PIEZO2: variants seen among roughly 807,000 people sequenced by gnomAD.
PIEZO2 encodes piezo-type mechanosensitive ion channel component 2.
A neutral mutation model predicts 337.3 loss-of-function variants in PIEZO2; 172 were observed. The observed-to-expected ratio is 0.51, with a 90% CI of 0.45 to 0.58. The LOEUF (loss-of-function observed/expected upper bound fraction) is 0.58, where lower values mean the gene tolerates loss of function less well. Ranked by LOEUF, PIEZO2 falls within the 20% of genes least tolerant of loss-of-function variation. PIEZO2 has a pLI of 0.00. For missense variants in PIEZO2, 3,028 were observed against 3,391.3 expected (o/e 0.89, Z 2.66); for synonymous variants, 1,251 against 1,228.5 (o/e 1.02, Z -0.38).
At position 11,129,944 on chromosome 18, in the gene PIEZO2, A is replaced by G. The variant is rs2146232160; in HGVS notation, c.64+18581T>C. On this transcript the variant is annotated intron_variant, in intron 1 of 55. Transcript: ENST00000674853. The surrounding 1 kb of genome is among the most constrained non-coding windows in gnomAD (Gnocchi z 4.6). ...GGTCATTTCCCCAATGCCAGAATGC[A>G]TAATTGACATAGACATACTCAGCAG... Among the ~76,000 whole-genome samples the G allele has an allele frequency of 6.6e-6, 1 of 152,330 alleles. No individual in the cohort carries two copies. The highest frequency in any genetic ancestry group is 1.9e-4 in the East Asian group (1 of 5,180).
chr18:11,058,371 T>C (rs1328274398), intron 2 of PIEZO2, among the ~76,000 whole-genome samples: 1 of 152,084 alleles, frequency 6.6e-6, no homozygotes, highest in Non-Finnish European at 1.5e-5. Context: ...AGAGCACCTC[T>C]CCTCCTCCAA....
chr18:10,947,459 A>C lies in PIEZO2; in HGVS notation c.286+32076T>G, dbSNP rs139798800. Among the ~76,000 whole-genome samples the C allele has an allele frequency of 5.2e-3, 790 of 152,310 alleles. 4 individuals carry two copies. Among genetic ancestry groups the C allele is most frequent in the Non-Finnish European group, 8.2e-3 (561 of 68,018 alleles). ...AAGGGGAAATAAAGAGATTGCAAGT[A>C]AAAAGATGGGCAAAGATGTGCCATG... is the stretch of plus-strand genomic sequence containing the variant. On this transcript the variant is annotated intron_variant, in intron 3 of 55. Transcript: ENST00000674853.
Position 10,800,366 on chromosome 18 carries a change from T to C in PIEZO2, c.1349A>G (p.Tyr450Cys). ...GGATTCATCAGAGGGCTCCCACCGG[T>C]ACTGAGGGGTGGAGTAGAGGTCGGC... Reference protein sequence around the residue: ...GKADLYSTPQYRWEPSDESSE... With the variant: ...GKADLYSTPQCRWEPSDESSE... Residue 450 changes from tyrosine to cysteine, a missense_variant, in exon 11 of 56, where the codon TAC (tyrosine) becomes TGC (cysteine). By Grantham distance (194) the Tyr-to-Cys change is radical (BLOSUM62 -2). Transcript: ENST00000674853. The C allele has an allele frequency of 6.5e-7, 1 of 1,536,400 alleles. No individual in the cohort carries two copies. Among genetic ancestry groups the C allele is most frequent in the South Asian group, 1.2e-5 (1 of 83,836 alleles).
rs1288650096 is a variant in PIEZO2 at position 11,133,778 on chromosome 18, T to TA, written c.64+14746dup. On this transcript the variant is annotated intron_variant, in intron 1 of 55. Transcript: ENST00000674853. ...ACTTGTGATCGCGTAAGTTAATACTTAATAAACTCCTCTCTCTATATATAT... is the reference window on the plus strand; with the variant it reads ...ACTTGTGATCGCGTAAGTTAATACTTAAATAAACTCCTCTCTCTATATATAT... Among the ~76,000 whole-genome samples, 6 of 148,312 alleles carry TA rather than the reference T, an allele frequency of 4.0e-5. No individual in the cohort carries two copies. The South Asian group carries it at 6.5e-4, about 16-fold the overall frequency.
chr18:10,813,073 C>T lies in PIEZO2; in HGVS notation c.918-5799G>A, dbSNP rs558783454. Among the ~76,000 whole-genome samples, 541 of 152,038 alleles carry T rather than the reference C, an allele frequency of 3.6e-3. No homozygotes were observed. Among genetic ancestry groups the T allele is most frequent in the Non-Finnish European group, 4.4e-3 (299 of 67,986 alleles). ...CTGCTCACTGCAACCTCTGCCTCCC[C>T]GGCTCAAGTGATTCTCCTGCCTCAG... On this transcript the variant is annotated intron_variant, in intron 7 of 55. Transcript: ENST00000674853. This position sits in a 1 kb window ranked among gnomAD's most constrained non-coding sequence, Gnocchi z 4.2.
At position 10,979,859 on chromosome 18, in the gene PIEZO2, A is replaced by G. The variant is rs2034597710; in HGVS notation, c.161-199T>C. Reference sequence around the variant, plus strand: ...TGTAACATCAAATATTTGGGTTTATATTTATTAAAAATTCACTGTAAAAGA... The same window carrying G: ...TGTAACATCAAATATTTGGGTTTATGTTTATTAAAAATTCACTGTAAAAGA... On this transcript the variant is annotated intron_variant, in intron 2 of 55. Transcript: ENST00000674853. This position sits in a 1 kb window ranked among gnomAD's most constrained non-coding sequence, Gnocchi z 4.0. 6.6e-6 allele frequency among the ~76,000 whole-genome samples: 1 copy of G among 152,226 alleles called. No homozygotes were observed. Among genetic ancestry groups the G allele is most frequent in the South Asian group, 2.1e-4 (1 of 4,832 alleles).
In PIEZO2 at chr18:10,760,929, A is replaced by AAAG. The variant is rs761185037; in HGVS notation, c.3429_3431dup (p.Phe1144dup). The AAAG allele has an allele frequency of 1.8e-5, 27 of 1,531,874 alleles. No individual in the cohort carries two copies. The highest frequency in any genetic ancestry group is 2.3e-5 in the Non-Finnish European group (26 of 1,142,824). 94.9% of individuals were successfully genotyped at this position (1,531,874 alleles called of 1,614,324 possible). On this transcript the variant is annotated inframe_insertion, in exon 24 of 56. Transcript: ENST00000674853. ...AACTCACCTCCAGACCAAACTTGTA[A>AAAG]AAGAAGTAATTAATGAAATATTTGG...
intron 35 of PIEZO2, among the ~76,000 whole-genome samples, chr18:10,734,543 G>A (rs370263917): frequency 1.3e-5 from 2 of 152,348 alleles, no homozygotes; most frequent in East Asian, 1.9e-4. Context: ...CTGAGTTCAG[G>A]AGAAAGGGCT....
intron 1 of PIEZO2, among the ~76,000 whole-genome samples, chr18:11,130,341 T>C (rs2040305103): frequency 6.6e-6 from 1 of 152,256 alleles, no homozygotes; most frequent in South Asian, 2.1e-4. Flanking sequence ...TATGCAGCCA[T>C]TGACTTGGCA....
At position 11,080,132 on chromosome 18, in the gene PIEZO2, A is replaced by C. The variant is rs1327691734; in HGVS notation, c.65-13910T>G. Among the ~76,000 whole-genome samples the C allele has an allele frequency of 6.6e-6, 1 of 152,298 alleles. No homozygotes were observed. The highest frequency in any genetic ancestry group is 6.5e-5 in the Admixed American group (1 of 15,294). ...ACCACTCCACACTGCTACCTCTCTCATCTACACAGAAAACACCTATAAAAA... is the reference window on the plus strand; with the variant it reads ...ACCACTCCACACTGCTACCTCTCTCCTCTACACAGAAAACACCTATAAAAA... On this transcript the variant is annotated intron_variant, in intron 1 of 55. Coordinates refer to ENST00000674853, the MANE Select transcript of PIEZO2 (RefSeq NM_001378183.1). The surrounding 1 kb of genome is among the most constrained non-coding windows in gnomAD (Gnocchi z 5.4).
At position 11,047,139 on chromosome 18, in the gene PIEZO2, C is replaced by T. The variant is rs2037345131; in HGVS notation, c.160+18988G>A. 6.6e-6 allele frequency among the ~76,000 whole-genome samples: 1 copy of T among 152,204 alleles called. No homozygotes were observed. Among genetic ancestry groups the T allele is most frequent in the Non-Finnish European group, 1.5e-5 (1 of 68,032 alleles). On this transcript the variant is annotated intron_variant, in intron 2 of 55. Coordinates refer to ENST00000674853, the MANE Select transcript of PIEZO2 (RefSeq NM_001378183.1). The surrounding 1 kb of genome is among the most constrained non-coding windows in gnomAD (Gnocchi z 7.2). ...CCTGTCCAGGTACACTCAGGAGCCC[C>T]GTTTTCTGCACGTGCCTCCCTGGGG...
At chr18:10,931,111 G>C (rs1435972375) in intron 3 of PIEZO2, among the ~76,000 whole-genome samples, 2 of 144,882 alleles carry the variant, frequency 1.4e-5, no homozygotes, top group African/African-American at 2.6e-5. Flanking sequence ...GATCTCAACT[G>C]AATAATTCTT....
rs559702143 is a variant in PIEZO2, at chr18:10,853,981, C to T, written c.917+1372G>A. Among the ~76,000 whole-genome samples, 23 of 152,266 alleles carry T rather than the reference C, an allele frequency of 1.5e-4. No individual in the cohort carries two copies. The Middle Eastern group carries it at 0.017, about 113-fold the overall frequency. On this transcript the variant is annotated intron_variant, in intron 7 of 55. Coordinates refer to ENST00000674853, the MANE Select transcript of PIEZO2 (RefSeq NM_001378183.1). The surrounding 1 kb of genome is among the most constrained non-coding windows in gnomAD (Gnocchi z 4.2). ...AACCAGGATCTGATCTACAGCTGTG[C>T]TTCACACAGGTTTAAGTATCTACTG...
At chr18:11,023,953 C>G (rs1027063952) in intron 2 of PIEZO2, among the ~76,000 whole-genome samples, 1 of 152,180 alleles carries the variant, frequency 6.6e-6, no homozygotes, top group African/African-American at 2.4e-5. Context: ...GCGGGGCCGC[C>G]GAGCCCACGC....
At chr18:10,857,713 C>A (rs2041747033) in intron 5 of PIEZO2, among the ~76,000 whole-genome samples, 1 of 152,182 alleles carries the variant, frequency 6.6e-6, no homozygotes. Flanking sequence ...GATGAGTGGT[C>A]CCGGGCTTCT....
In PIEZO2 at chr18:10,952,451, TA is replaced by T. The variant is rs900801445; in HGVS notation, c.286+27083del. Among the ~76,000 whole-genome samples, 1 of 152,186 alleles carries T rather than the reference TA, an allele frequency of 6.6e-6. No individual in the cohort carries two copies. Among genetic ancestry groups the T allele is most frequent in the African/African-American group, 2.4e-5 (1 of 41,450 alleles). On this transcript the variant is annotated intron_variant, in intron 3 of 55. Transcript: ENST00000674853. The surrounding 1 kb of genome is among the most constrained non-coding windows in gnomAD (Gnocchi z 4.1). ...ACCCTTACAGTTTCACTAATTATTG[TA>T]AATATAATCATATAGTATGTAGCAT...
Position 10,767,546 on chromosome 18 carries a change from C to T in PIEZO2, c.2946+2602G>A, listed in dbSNP as rs569612242. Among the ~76,000 whole-genome samples the T allele has an allele frequency of 7.2e-4, 109 of 152,254 alleles. No individual in the cohort carries two copies. Among genetic ancestry groups the T allele is most frequent in the Middle Eastern group, 3.4e-3 (1 of 294 alleles). ...AGGAGAACGTCCTCTGCGCGCAGCCCGAGTGAGGAGCTAATGACTCGGAGC... is the reference window on the plus strand; with the variant it reads ...AGGAGAACGTCCTCTGCGCGCAGCCTGAGTGAGGAGCTAATGACTCGGAGC... On this transcript the variant is annotated intron_variant, in intron 21 of 55. Transcript: ENST00000674853. The surrounding 1 kb of genome is among the most constrained non-coding windows in gnomAD (Gnocchi z 4.2).
chr18:11,010,776 A>C (rs2145654809), intron 2 of PIEZO2, among the ~76,000 whole-genome samples: 1 of 152,328 alleles, frequency 6.6e-6, no homozygotes, highest in South Asian at 2.1e-4. Context: ...GGCAACTTCC[A>C]TGAGGACGAG....
intron 3 of PIEZO2, among the ~76,000 whole-genome samples, chr18:10,956,309 A>G (rs1451007672): frequency 6.6e-6 from 1 of 152,254 alleles, no homozygotes; most frequent in African/African-American, 2.4e-5. Context: ...AAAAATACTT[A>G]GGAATAAATT....
Sources: allele counts gnomAD v4.1 joint callset (sites outside exome capture counted in the v4.1 genomes callset), GRCh38; gene constraint gnomAD v4.1.1; non-coding constraint Gnocchi (gnomAD v3.1); transcripts MANE v1.5; gene names NCBI Gene and HGNC (gene_info 2026-07-23, HGNC 2026-07-21).